Variants in EGLN2 observed in about 807,000 individuals in gnomAD.
EGLN2 encodes prolyl hydroxylase EGLN2.
Under a neutral mutation model 38.2 loss-of-function variants are expected in EGLN2, and 15 were observed. The ratio of observed to expected loss-of-function variants is 0.39; its 90% CI spans 0.26 to 0.60. EGLN2 has a LOEUF of 0.60. Ranked by LOEUF, EGLN2 falls within the 20% of genes least tolerant of loss-of-function variation. The probability of loss-of-function intolerance (pLI) is 0.50; values close to 1 mark genes in which losing one functional copy is unlikely to be tolerated. For missense variants in EGLN2, 492 were observed against 570.4 expected (o/e 0.86, Z 1.40); for synonymous variants, 284 against 237.4 (o/e 1.20, Z -1.81).
rs551912605 is a variant in EGLN2 at position 40,808,096 on chromosome 19, G to A, written c.*232G>A. 424 of 589,806 alleles carry A rather than the reference G, an allele frequency of 7.2e-4. No homozygotes were observed. Among genetic ancestry groups the A allele is most frequent in the Middle Eastern group, 1.8e-3 (4 of 2,204 alleles). The allele number at this position is 589,806 out of a possible 1,614,324, so 36.5% of individuals were successfully genotyped here. A position where few individuals can be genotyped will look rare whatever the true frequency, so the allele number is the denominator to read the frequency against. ...ACAGGGGGCAGCCGTGGAGGCCACC[G>A]TTACCAACTGAAGCTGGGGGCCTGG... On this transcript the variant is annotated 3_prime_UTR_variant, in exon 6 of 6. Coordinates refer to ENST00000303961, the MANE Select transcript of EGLN2 (RefSeq NM_080732.4).
At chr19:40,801,651 C>CTTTTTTTTTTGTT (rs2083259984) in intron 2 of EGLN2, among the ~76,000 whole-genome samples, 1 of 102,716 alleles carries the variant, frequency 9.7e-6, no homozygotes, top group Non-Finnish European at 1.9e-5. Flanking sequence ...CACAGTGGTT[C>CTTTTTTTTTTGTT]TTTTTTTTTT....
chr19:40,803,925 G>A (rs1253040538), intron 2 of EGLN2: 1 of 152,150 alleles, frequency 6.6e-6, no homozygotes, highest in African/African-American at 2.4e-5. Flanking sequence ...CCTCCCCTAG[G>A]TGGGAGGGGT....
At position 40,800,602 on chromosome 19, in the gene EGLN2, A is replaced by G. The variant is rs761930466; in HGVS notation, c.30A>G (p.Leu10=). The part of the protein sequence containing the change: MDSPCQPQP[L]SQALPQLPGS... ...ACAGCCCGTGCCAGCCGCAGCCCCT[A>G]AGTCAGGCTCTCCCTCAGTTACCAG... Residue 10 remains leucine, a synonymous_variant, in exon 2 of 6, where the codon CTA becomes CTG. Transcript: ENST00000303961. 1 of 1,611,320 alleles carries G rather than the reference A, an allele frequency of 6.2e-7. No homozygotes were observed. Among genetic ancestry groups the G allele is most frequent in the Non-Finnish European group, 8.5e-7 (1 of 1,178,852 alleles).
In EGLN2 at chr19:40,806,684, A is replaced by G. The variant is rs1347230051; in HGVS notation, c.963+10A>G. 9 of 1,581,052 alleles carry G rather than the reference A, an allele frequency of 5.7e-6. No homozygotes were observed. The African/African-American group carries it at 8.1e-5, about 14-fold the overall frequency. ...GAACTGGGACGTTAAGGTAGGGGTG[A>G]GGGTGAGGGTGAGGGTGGCGCTGGG... On this transcript the variant is annotated intron_variant, in intron 3 of 5. Transcript: ENST00000303961.
At chr19:40,806,746 A>C in intron 3 of EGLN2, 72 bp downstream of exon 3, 14 of 1,573,574 alleles carry the variant, frequency 8.9e-6, no homozygotes, top group Non-Finnish European at 1.1e-5. Context: ...CGTCCACTCC[A>C]TTTTCCACTC....
At chr19:40,799,375 C>G (rs2083233094) in intron 1 of EGLN2, 113 bp downstream of exon 1, 1 of 141,614 alleles carries the variant, frequency 7.1e-6, no homozygotes, top group Non-Finnish European at 1.5e-5. Context: ...CGGGGCGACC[C>G]CGGGAAGGGG....
intron 1 of EGLN2, chr19:40,800,038 CTCCT>C (rs1441677151): frequency 6.5e-6 from 1 of 153,550 alleles, no homozygotes; most frequent in Non-Finnish European, 1.4e-5. Context: ...TACTCCAGCC[CTCCT>C]TCTTCTGTCT....
In EGLN2 at chr19:40,800,646, T is replaced by G. The variant is rs1599757980; in HGVS notation, c.74T>G (p.Leu25Trp). 6.2e-7 allele frequency: 1 copy of G among 1,613,964 alleles called. No homozygotes were observed. The highest frequency in any genetic ancestry group is 8.5e-7 in the Non-Finnish European group (1 of 1,180,002). ...PQLPGSSSEP[L>W]EPEPGRARMG... Reference sequence around the variant, plus strand: ...TTACCAGGGTCTTCGTCAGAGCCCTTGGAGCCTGAGCCTGGCCGGGCCAGG... The same window carrying G: ...TTACCAGGGTCTTCGTCAGAGCCCTGGGAGCCTGAGCCTGGCCGGGCCAGG... Residue 25 changes from leucine (L) to tryptophan (W), a missense_variant, in exon 2 of 6, where the codon TTG becomes TGG. Transcript: ENST00000303961.
At position 40,800,647 on chromosome 19, in the gene EGLN2, G is replaced by A; in HGVS notation, c.75G>A (p.Leu25=). The change falls in exon 2 of 6, where the codon TTG becomes TTA. Residue 25 remains leucine, a synonymous_variant. Coordinates refer to ENST00000303961, the MANE Select transcript of EGLN2 (RefSeq NM_080732.4). The part of the protein sequence containing the change: ...PQLPGSSSEP[L]EPEPGRARMG... ...TACCAGGGTCTTCGTCAGAGCCCTT[G>A]GAGCCTGAGCCTGGCCGGGCCAGGA... is the stretch of plus-strand genomic sequence containing the variant. 6.2e-7 allele frequency: 1 copy of A among 1,613,978 alleles called. No homozygotes were observed. Among genetic ancestry groups the A allele is most frequent in the Middle Eastern group, 1.7e-4 (1 of 6,056 alleles).
chr19:40,807,526 A>G lies in EGLN2; in HGVS notation c.1143A>G (p.Ala381=). 2 of 1,614,204 alleles carry G rather than the reference A, an allele frequency of 1.2e-6. No individual in the cohort carries two copies. The highest frequency in any genetic ancestry group is 1.7e-6 in the Non-Finnish European group (2 of 1,180,018). The change falls in exon 5 of 6, where the codon GCA becomes GCG. Residue 381 remains alanine, a synonymous_variant. Coordinates refer to ENST00000303961, the MANE Select transcript of EGLN2 (RefSeq NM_080732.4). ...GGTATTTTGATGCCAAGGAGCGGGC[A>G]GCAGCCAAAGACAAGTATCAGCTAG... ...TVWYFDAKER[A]AAKDKYQLAS...
chr19:40,802,486 T>C (rs907375455), intron 2 of EGLN2, among the ~76,000 whole-genome samples: 4 of 152,260 alleles, frequency 2.6e-5, no homozygotes, highest in African/African-American at 9.6e-5. Context: ...TTTTTCTTTT[T>C]GCTTTAGAAC....
At chr19:40,806,811 G>A in intron 3 of EGLN2, 137 bp downstream of exon 3, 1 of 1,226,200 alleles carries the variant, frequency 8.2e-7, no homozygotes, top group African/African-American at 1.5e-5. Context: ...AGCGGGCAGT[G>A]CGATCTGCCG....
rs749780287 is a variant in EGLN2, at chr19:40,801,166, G to A, written c.594G>A (p.Leu198=). Residue 198 remains leucine, a synonymous_variant, in exon 2 of 6, where the codon CTG becomes CTA. Coordinates refer to ENST00000303961, the MANE Select transcript of EGLN2 (RefSeq NM_080732.4). ...GCATCTGCGTCAAGGACAGCTTCCT[G>A]GGGGCAGCACTGGGCGGTCGCGTGC... ...YYGICVKDSF[L]GAALGGRVLA... is the part of the protein sequence containing the mutation. 1.6e-5 allele frequency: 25 copies of A among 1,612,784 alleles called. No homozygotes were observed. The highest frequency in any genetic ancestry group is 2.0e-5 in the Non-Finnish European group (24 of 1,179,934).
At position 40,800,556 on chromosome 19, in the gene EGLN2, A is replaced by T. The variant is rs2083247302; in HGVS notation, c.-17A>T. The T allele has an allele frequency of 6.4e-7, 1 of 1,570,464 alleles. No homozygotes were observed. Among genetic ancestry groups the T allele is most frequent in the South Asian group, 1.2e-5 (1 of 86,494 alleles). On this transcript the variant is annotated 5_prime_UTR_variant, in exon 2 of 6. The change abolishes an upstream ATG in the 5' untranslated region. Transcript: ENST00000303961. Reference sequence around the variant, plus strand: ...GGGCGGTGCCCTCCATGCCCGGGGGATGAAGACACTGCTGCCATGGACAGC... The same window carrying T: ...GGGCGGTGCCCTCCATGCCCGGGGGTTGAAGACACTGCTGCCATGGACAGC...
At chr19:40,801,842 C>T (rs554596965) in intron 2 of EGLN2, among the ~76,000 whole-genome samples, 2 of 151,866 alleles carry the variant, frequency 1.3e-5, no homozygotes, top group South Asian at 4.2e-4. Context: ...TCCCTGGGTA[C>T]TTGAGATTAG....
chr19:40,801,435 T>A lies in EGLN2; in HGVS notation c.843+20T>A. On this transcript the variant is annotated intron_variant, in intron 2 of 5. Transcript: ENST00000303961. ...ACCAAGGTAAGGCTAGGTGGGGGCC[T>A]CTTTGGAGGGGCTTTGCAGCACCCT... 6.3e-7 allele frequency: 1 copy of A among 1,591,662 alleles called. No individual in the cohort carries two copies. The highest frequency in any genetic ancestry group is 1.1e-5 in the South Asian group (1 of 90,264).
intron 1 of EGLN2, 196 bp from the exon 2 acceptor site, chr19:40,800,143 C>T (rs2083242499): frequency 5.2e-6 from 1 of 193,692 alleles, no homozygotes. Context: ...CTATCACTGC[C>T]TCTTATCTGT....
intron 4 of EGLN2, 50 bp from the exon 5 acceptor site, chr19:40,807,434 A>G: frequency 6.2e-7 from 1 of 1,610,896 alleles, no homozygotes. Flanking sequence ...GTGTGTGGAT[A>G]TGGTAGCTGG....
At position 40,807,469 on chromosome 19, in the gene EGLN2, C is replaced by G; in HGVS notation, c.1101-15C>G. ...GAATTGCAGAAAACTAATGTCCAAC[C>G]ACCCTGGTCTCCAGGTACGCCATCA... On this transcript the variant is annotated splice_polypyrimidine_tract_variant and intron_variant, in intron 4 of 5. Transcript: ENST00000303961. 6 of 1,613,988 alleles carry G rather than the reference C, an allele frequency of 3.7e-6. No individual in the cohort carries two copies. The highest frequency in any genetic ancestry group is 2.2e-5 in the South Asian group (2 of 91,080).
Sources: allele counts gnomAD v4.1 joint callset (sites outside exome capture counted in the v4.1 genomes callset), GRCh38; gene constraint gnomAD v4.1.1; transcripts MANE v1.5; gene names NCBI Gene and HGNC (gene_info 2026-07-23, HGNC 2026-07-21).